The following PTPRS variants were observed in gnomAD, a reference collection of about 807,000 sequenced individuals.
PTPRS encodes the protein protein tyrosine phosphatase receptor type S.
PTPRS carries 63 observed loss-of-function variants against 215.3 expected under a neutral mutation model. The ratio of observed to expected loss-of-function variants is 0.29; its 90% CI spans 0.24 to 0.36. The LOEUF (loss-of-function observed/expected upper bound fraction) is 0.36. Ranked by LOEUF, PTPRS falls within the 10% of genes least tolerant of loss-of-function variation. The probability of loss-of-function intolerance (pLI) is 1.00; values close to 1 mark genes in which losing one functional copy is unlikely to be tolerated. For missense variants in PTPRS, 2,258 were observed against 2,825.8 expected (o/e 0.80, Z 4.56); for synonymous variants, 1,404 against 1,191.4 (o/e 1.18, Z -3.68).
At chr19:5,230,699 G>A (rs2042941354) in intron 14 of PTPRS, among the ~76,000 whole-genome samples, 2 of 152,298 alleles carry the variant, frequency 1.3e-5, no homozygotes, top group African/African-American at 4.8e-5. Flanking sequence ...AGACTCATAT[G>A]ATCCTCCTGC....
rs144703832 is a variant in PTPRS, at chr19:5,312,751, CAA to C, written c.-94-26519_-94-26518del. Among the ~76,000 whole-genome samples, 941 of 152,312 alleles carry C rather than the reference CAA, an allele frequency of 6.2e-3. 6 individuals carry two copies. The highest frequency in any genetic ancestry group is 9.3e-3 in the Non-Finnish European group (636 of 68,024). ...CACATACTGCGTGCCAGGCATGGTT[CAA>C]AGTCTTTTACACATAATATCTCATT... On this transcript the variant is annotated intron_variant, in intron 1 of 37. Coordinates refer to ENST00000262963, the MANE Select transcript of PTPRS (RefSeq NM_002850.4).
At chr19:5,322,184 C>A (rs540365395) in intron 1 of PTPRS, among the ~76,000 whole-genome samples, 26 of 152,358 alleles carry the variant, frequency 1.7e-4, no homozygotes, top group South Asian at 1.0e-3. Context: ...TTAGCGGAAG[C>A]CCTCCCCAGC....
At chr19:5,229,447 C>A in intron 15 of PTPRS, 44 bp downstream of exon 15, 1 of 1,378,604 alleles carries the variant, frequency 7.3e-7, no homozygotes, top group South Asian at 1.7e-5. Flanking sequence ...GGGCCCGTCC[C>A]CGCCCGGAGC....
chr19:5,275,205 G>A (rs2047256824), intron 2 of PTPRS, among the ~76,000 whole-genome samples: 1 of 151,528 alleles, frequency 6.6e-6, no homozygotes, highest in African/African-American at 2.4e-5. Context: ...CGAGTAGCTG[G>A]GACTACAGGT....
chr19:5,336,265 G>A (rs28420218), intron 1 of PTPRS, among the ~76,000 whole-genome samples: 176 of 89,794 alleles, frequency 2.0e-3, no homozygotes, highest in African/African-American at 8.1e-3. Context: ...AAAGGAAAAG[G>A]GGGGGGGGCG....
At chr19:5,298,712 C>T (rs759197820) in intron 1 of PTPRS, among the ~76,000 whole-genome samples, 17 of 152,254 alleles carry the variant, frequency 1.1e-4, no homozygotes, top group Non-Finnish European at 1.9e-4. Context: ...ACCACAGGCA[C>T]GCCCCAGCTC....
chr19:5,223,379 C>T (rs919184429), intron 17 of PTPRS, 82 bp from the exon 18 acceptor site: 4 of 1,358,706 alleles, frequency 2.9e-6, no homozygotes, highest in Non-Finnish European at 3.8e-6. Flanking sequence ...ATTTTTAATT[C>T]TTTTCCTTCA....
At chr19:5,241,213 C>T (rs2044014856) in intron 11 of PTPRS, among the ~76,000 whole-genome samples, 1 of 151,680 alleles carries the variant, frequency 6.6e-6, no homozygotes, top group Admixed American at 6.6e-5. Flanking sequence ...TCAAATCACC[C>T]CAGTGCCCTC....
At chr19:5,318,897 A>G (rs1260385999) in intron 1 of PTPRS, among the ~76,000 whole-genome samples, 2 of 152,182 alleles carry the variant, frequency 1.3e-5, no homozygotes, top group Non-Finnish European at 2.9e-5. Flanking sequence ...TTGCTAAGTG[A>G]GAGGCCCACA....
intron 1 of PTPRS, among the ~76,000 whole-genome samples, chr19:5,320,768 A>G (rs2050005295): frequency 6.6e-6 from 1 of 152,116 alleles, no homozygotes; most frequent in African/African-American, 2.4e-5. Flanking sequence ...TGCTGAGCCC[A>G]GCCCTGATTT....
intron 9 of PTPRS, among the ~76,000 whole-genome samples, chr19:5,251,996 C>T (rs1307662616): frequency 3.3e-5 from 1 of 30,198 alleles, no homozygotes; most frequent in Non-Finnish European, 6.8e-5. Context: ...GTAAGGGGAA[C>T]ACCTGGGGTC....
intron 2 of PTPRS, among the ~76,000 whole-genome samples, chr19:5,283,909 G>GT (rs990592299): frequency 4.0e-5 from 6 of 151,784 alleles, no homozygotes; most frequent in Non-Finnish European, 8.8e-5. Context: ...CTCCATCTCT[G>GT]TAAGAAATTT....
intron 9 of PTPRS, among the ~76,000 whole-genome samples, chr19:5,247,292 G>C (rs1048246631): frequency 1.3e-5 from 2 of 152,010 alleles, no homozygotes; most frequent in Admixed American, 6.6e-5. Flanking sequence ...TTCTTAGCGG[G>C]GAAGTGGATG....
At chr19:5,278,357 T>C (rs1290532112) in intron 2 of PTPRS, among the ~76,000 whole-genome samples, 3 of 152,086 alleles carry the variant, frequency 2.0e-5, no homozygotes, top group Non-Finnish European at 4.4e-5. Context: ...TAACTGGGAC[T>C]ACAGTCACAT....
chr19:5,233,069 AGTAT>A (rs2043150221), intron 13 of PTPRS, among the ~76,000 whole-genome samples: 2 of 151,876 alleles, frequency 1.3e-5, no homozygotes, highest in Non-Finnish European at 2.9e-5. Flanking sequence ...TTGGGTACCT[AGTAT>A]GTGCCAGGAA....
chr19:5,324,226 C>CAAAAAAAAAAAAAAAAAAAAAAAAA (rs55793961), intron 1 of PTPRS, among the ~76,000 whole-genome samples: 3 of 73,880 alleles, frequency 4.1e-5, no homozygotes, highest in African/African-American at 1.5e-4. Flanking sequence ...AACCCTGCCT[C>CAAAAAAAAAAAAAAAAAAAAAAAAA]AAAAAAAAAA....
rs570266173 is a variant in PTPRS, at chr19:5,323,826, A to C, written c.-95+16838T>G. On this transcript the variant is annotated intron_variant, in intron 1 of 37. Coordinates refer to ENST00000262963, the MANE Select transcript of PTPRS (RefSeq NM_002850.4). The stretch of plus-strand genomic sequence containing the variant: ...AAGAACTGAAAGATGTCATTGTGGG[A>C]AGACAGACTGTGGGAATGAGGGCTG... 2.0e-3 allele frequency among the ~76,000 whole-genome samples: 308 copies of C among 152,288 alleles called. 1 individual carries two copies. Among genetic ancestry groups the C allele is most frequent in the Non-Finnish European group, 3.5e-3 (239 of 68,030 alleles).
rs1159853997 is a variant in PTPRS, at chr19:5,220,356, G to T, written c.3456-3C>A. 6.2e-7 allele frequency: 1 copy of T among 1,612,020 alleles called. No homozygotes were observed. The highest frequency in any genetic ancestry group is 2.2e-5 in the East Asian group (1 of 44,860). On this transcript the variant is annotated splice_polypyrimidine_tract_variant and splice_region_variant and intron_variant, in intron 20 of 37. Coordinates refer to ENST00000262963, the MANE Select transcript of PTPRS (RefSeq NM_002850.4). ...GCACCATCACAATGAAATAGCTCCT[G>T]TAGGGAGATGGGAAAGAGTCAGAGG...
chr19:5,212,213 C>T lies in PTPRS; in HGVS notation c.4807G>A (p.Asp1603Asn), dbSNP rs151279682. 4.5e-5 allele frequency: 73 copies of T among 1,613,230 alleles called. No homozygotes were observed. The highest frequency in any genetic ancestry group is 1.6e-4 in the South Asian group (15 of 91,086). ...GGCTTGATCCGCTCAAGCATGGCGTCGATGACGATAAAGCAGCCTGTGCGG... is the reference window on the plus strand; with the variant it reads ...GGCTTGATCCGCTCAAGCATGGCGTTGATGACGATAAAGCAGCCTGTGCGG... Reference protein sequence around the residue: ...VGRTGCFIVIDAMLERIKPEK... With the variant: ...VGRTGCFIVINAMLERIKPEK... Residue 1603 changes from aspartate to asparagine, a missense_variant, in exon 32 of 38, where the codon GAC becomes AAC. By Grantham distance (23) the Asp-to-Asn change is conservative. Around this residue, in one of 6 missense-constraint regions of PTPRS, gnomAD observed 927 missense variants for 1,125.9 expected, o/e 0.82. Transcript: ENST00000262963.
Sources: allele counts gnomAD v4.1 joint callset (sites outside exome capture counted in the v4.1 genomes callset), GRCh38; gene constraint gnomAD v4.1.1; regional missense constraint gnomAD v4.1.1; transcripts MANE v1.5; gene names NCBI Gene and HGNC (gene_info 2026-07-23, HGNC 2026-07-21).